The following CSMD1 variants were observed in gnomAD, a reference collection of about 807,000 sequenced individuals.
The protein encoded by CSMD1 is CUB and sushi domain-containing protein 1.
Under a neutral mutation model 417.5 loss-of-function variants are expected in CSMD1, and 213 were observed. That is an observed-to-expected ratio of 0.51 (90% CI 0.46 to 0.57). The LOEUF (loss-of-function observed/expected upper bound fraction) is 0.57, where lower values mean the gene tolerates loss of function less well. Among genes scored for constraint, CSMD1 ranks in the 20% least tolerant of loss-of-function variants. The probability of loss-of-function intolerance (pLI) is 0.00; values close to 1 mark genes in which losing one functional copy is unlikely to be tolerated. For missense variants in CSMD1, 6,923 were observed against 4,529.7 expected (o/e 1.53, Z -15.17); for synonymous variants, 2,862 against 1,736.8 (o/e 1.65, Z -16.11).
At chr8:3,635,885 T>C (rs1156612400) in intron 7 of CSMD1, among the ~76,000 whole-genome samples, 1 of 151,616 alleles carries the variant, frequency 6.6e-6, no homozygotes, top group South Asian at 2.1e-4. Flanking sequence ...ACACAAAATA[T>C]TTTCTTCAGT....
At chr8:4,035,166 C>T (rs1393139900) in intron 3 of CSMD1, among the ~76,000 whole-genome samples, 1 of 148,334 alleles carries the variant, frequency 6.7e-6, no homozygotes, top group Non-Finnish European at 1.5e-5. Flanking sequence ...GAGATGATGG[C>T]GTACTGATGT....
At chr8:3,793,020 A>C (rs1158558360) in intron 5 of CSMD1, among the ~76,000 whole-genome samples, 1 of 152,158 alleles carries the variant, frequency 6.6e-6, no homozygotes, top group Non-Finnish European at 1.5e-5. Context: ...CACTCTGCTT[A>C]AACTCTGAGG....
chr8:3,726,149 C>A (rs138794353), intron 6 of CSMD1, among the ~76,000 whole-genome samples: 1 of 151,922 alleles, frequency 6.6e-6, no homozygotes, highest in Non-Finnish European at 1.5e-5. Flanking sequence ...ATGCAGGCAC[C>A]GAGGCGTCCT....
chr8:4,263,698 G>A (rs1005279538), intron 3 of CSMD1, among the ~76,000 whole-genome samples: 1 of 152,088 alleles, frequency 6.6e-6, no homozygotes, highest in South Asian at 2.1e-4. Flanking sequence ...TTAATTTAAG[G>A]AAGCATCTTA....
intron 3 of CSMD1, among the ~76,000 whole-genome samples, chr8:4,111,791 C>A (rs1414768271): frequency 6.6e-6 from 1 of 152,060 alleles, no homozygotes; most frequent in Non-Finnish European, 1.5e-5. Context: ...TGAGGGAGAG[C>A]ATCAGGATAA....
At chr8:4,669,140 A>G (rs896197660) in intron 1 of CSMD1, among the ~76,000 whole-genome samples, 2 of 151,868 alleles carry the variant, frequency 1.3e-5, no homozygotes, top group African/African-American at 4.8e-5. Context: ...TTTTCTCCCT[A>G]TTTCCTTCTT....
chr8:3,871,862 T>G (rs1433237851), intron 5 of CSMD1, among the ~76,000 whole-genome samples: 1 of 152,182 alleles, frequency 6.6e-6, no homozygotes, highest in East Asian at 1.9e-4. Context: ...AAGAACTCCC[T>G]TCTGAAAGAA....
chr8:3,746,888 A>G (rs1307624743), intron 6 of CSMD1, among the ~76,000 whole-genome samples: 1 of 152,212 alleles, frequency 6.6e-6, no homozygotes, highest in Non-Finnish European at 1.5e-5. Context: ...TGGCCAGCCC[A>G]AGAGGACTGA....
In CSMD1 at chr8:3,959,994, A is replaced by C. The variant is rs1456652298; in HGVS notation, c.818+37909T>G. Among the ~76,000 whole-genome samples the C allele has an allele frequency of 2.0e-5, 3 of 152,210 alleles. No individual in the cohort carries two copies. The East Asian group carries it at 5.8e-4, about 29-fold the overall frequency. On this transcript the variant is annotated intron_variant, in intron 5 of 69. Coordinates refer to ENST00000635120, the MANE Select transcript of CSMD1 (RefSeq NM_033225.6). ...AAATAACAAAGAGTGTGTTAATCACAGTATGTGCGTGAAGCTATTTCAAGC... is the reference window on the plus strand; with the variant it reads ...AAATAACAAAGAGTGTGTTAATCACCGTATGTGCGTGAAGCTATTTCAAGC...
At chr8:4,234,290 C>T (rs759961554) in intron 3 of CSMD1, among the ~76,000 whole-genome samples, 2 of 152,158 alleles carry the variant, frequency 1.3e-5, no homozygotes, top group Non-Finnish European at 2.9e-5. Flanking sequence ...ATCTATGGGA[C>T]CCATCCATAG....
chr8:3,310,237 A>G (rs1053457703), intron 23 of CSMD1, among the ~76,000 whole-genome samples: 1 of 152,002 alleles, frequency 6.6e-6, no homozygotes, highest in African/African-American at 2.4e-5. Flanking sequence ...AATATCATGT[A>G]TGACAAAATC....
At chr8:4,180,335 C>G (rs893614340) in intron 3 of CSMD1, among the ~76,000 whole-genome samples, 1 of 149,102 alleles carries the variant, frequency 6.7e-6, no homozygotes, top group African/African-American at 2.5e-5. Context: ...GGACAAAAAA[C>G]CAAACAATGC....
intron 10 of CSMD1, among the ~76,000 whole-genome samples, chr8:3,525,805 C>G (rs977196794): frequency 6.6e-6 from 1 of 152,112 alleles, no homozygotes; most frequent in Admixed American, 6.5e-5. Context: ...GGTTGCTTAC[C>G]ACTAAGTTGA....
chr8:4,299,653 G>C (rs923546825), intron 3 of CSMD1, among the ~76,000 whole-genome samples: 4 of 151,788 alleles, frequency 2.6e-5, no homozygotes, highest in Non-Finnish European at 4.4e-5. Flanking sequence ...TTCTTTCTTT[G>C]AGATGGAGTC....
rs556304192 is a variant in CSMD1 at position 3,155,359 on chromosome 8, A to ATT, written c.5914+2536_5914+2537dup. On this transcript the variant is annotated intron_variant, in intron 39 of 69. Coordinates refer to ENST00000635120, the MANE Select transcript of CSMD1 (RefSeq NM_033225.6). ...TTTTTCCTTCCAAATCAAGGCTGGG[A>ATT]TTTTTTTTTTTTTTTTTTTTTTTTT... Among the ~76,000 whole-genome samples, 230 of 43,306 alleles carry ATT rather than the reference A, an allele frequency of 5.3e-3. 59 individuals carry two copies. Among genetic ancestry groups the ATT allele is most frequent in the African/African-American group, 5.9e-3 (84 of 14,356 alleles). 28.4% of individuals were successfully genotyped at this position (43,306 alleles called of 152,430 possible).
chr8:3,490,695 G>C (rs527515705), intron 11 of CSMD1, among the ~76,000 whole-genome samples: 2 of 152,066 alleles, frequency 1.3e-5, no homozygotes, highest in African/African-American at 2.4e-5. Flanking sequence ...CAAATAGCTG[G>C]AGCCAGAAAC....
At chr8:3,332,536 T>C (rs1806972722) in intron 23 of CSMD1, among the ~76,000 whole-genome samples, 1 of 152,256 alleles carries the variant, frequency 6.6e-6, no homozygotes, top group Non-Finnish European at 1.5e-5. Context: ...CGCTGAAACC[T>C]GTTTTATTTG....
chr8:3,355,822 T>A (rs1170439459), intron 21 of CSMD1, among the ~76,000 whole-genome samples: 1 of 152,142 alleles, frequency 6.6e-6, no homozygotes, highest in Non-Finnish European at 1.5e-5. Flanking sequence ...CAACTTTTTC[T>A]CTAATTTGCA....
chr8:3,032,558 G>A (rs187892446), intron 50 of CSMD1, among the ~76,000 whole-genome samples: 16 of 152,108 alleles, frequency 1.1e-4, no homozygotes, highest in Non-Finnish European at 2.2e-4. Flanking sequence ...TCGCGAGAGG[G>A]TACTGAATTC....
Sources: allele counts gnomAD v4.1 joint callset (sites outside exome capture counted in the v4.1 genomes callset), GRCh38; gene constraint gnomAD v4.1.1; transcripts MANE v1.5; gene names NCBI Gene and HGNC (gene_info 2026-07-23, HGNC 2026-07-21).